Variants in CMIP observed in about 807,000 individuals in gnomAD.
CMIP encodes c-Maf inducing protein.
A neutral mutation model predicts 97.3 loss-of-function variants in CMIP; 13 were observed. The observed-to-expected ratio is 0.13, with a 90% CI of 0.09 to 0.21. The LOEUF (loss-of-function observed/expected upper bound fraction) is 0.21, where lower values mean the gene tolerates loss of function less well. Among genes scored for constraint, CMIP ranks in the 10% least tolerant of loss-of-function variants. The pLI, the probability that CMIP is intolerant of heterozygous loss-of-function variation, is 1.00. For synonymous variants in CMIP, 538 were observed against 436.3 expected, an observed-to-expected ratio of 1.23 and a Z score of -2.91; for missense variants, 847 against 1,024.9, an observed-to-expected ratio of 0.83 and a Z score of 2.37.
chr16:81,654,231 T>TTTATTATTATTATTATTATTATTATTA (rs58919554), intron 4 of CMIP, among the ~76,000 whole-genome samples: 106 of 150,820 alleles, frequency 7.0e-4, no homozygotes, highest in African/African-American at 2.5e-3. Flanking sequence ...CTCCTTGGGC[T>TTTATTATTATTATTATTATTATTATTA]TTATTATTAT....
At chr16:81,658,849 G>A (rs1050486294) in intron 5 of CMIP, among the ~76,000 whole-genome samples, 31 of 152,258 alleles carry the variant, frequency 2.0e-4, no homozygotes, top group African/African-American at 7.2e-4. Context: ...TCAGTCACTA[G>A]GCCCCTCACG....
intron 10 of CMIP, among the ~76,000 whole-genome samples, chr16:81,688,832 C>T (rs748926158): frequency 9.2e-5 from 14 of 152,148 alleles, no homozygotes; most frequent in Admixed American, 2.6e-4. Flanking sequence ...CAACAGGCCC[C>T]GGTGTGTGAT....
At chr16:81,536,995 G>A (rs966852747) in intron 1 of CMIP, among the ~76,000 whole-genome samples, 8 of 152,122 alleles carry the variant, frequency 5.3e-5, no homozygotes, top group African/African-American at 1.9e-4. Flanking sequence ...GGTTTTGCCC[G>A]CTTGTGAACT....
intron 1 of CMIP, among the ~76,000 whole-genome samples, chr16:81,581,984 C>T (rs2091303589): frequency 6.6e-6 from 1 of 152,170 alleles, no homozygotes; most frequent in African/African-American, 2.4e-5. Context: ...GCATCAGCTT[C>T]TGGGGAGGCC....
intron 1 of CMIP, among the ~76,000 whole-genome samples, chr16:81,584,796 T>C (rs2091353508): frequency 6.6e-6 from 1 of 152,150 alleles, no homozygotes; most frequent in East Asian, 1.9e-4. Context: ...TACTTCATTC[T>C]CCCTCTGTCC....
chr16:81,488,215 G>T (rs2089349854), intron 1 of CMIP, among the ~76,000 whole-genome samples: 1 of 152,150 alleles, frequency 6.6e-6, no homozygotes, highest in South Asian at 2.1e-4. Flanking sequence ...CCGAAGCTGA[G>T]AGAGTGCGAC....
In CMIP at chr16:81,445,273, G is replaced by T. The variant is rs951764656; in HGVS notation, c.32G>T (p.Gly11Val). ...GTGACCAGCAGCTCGGGCGGCGGCG[G>T]CGACCCCCGGCAGATCGAGGAGACC... MDVTSSSGGG[G>V]DPRQIEETKP... The change falls in exon 1 of 21, where the codon GGC (glycine) becomes GTC (valine). Residue 11 changes from glycine (G) to valine (V), a missense_variant. Transcript: ENST00000537098. 6.5e-7 allele frequency: 1 copy of T among 1,542,246 alleles called. No homozygotes were observed. The highest frequency in any genetic ancestry group is 2.0e-5 in the Admixed American group (1 of 50,870).
chr16:81,668,552 C>T (rs1008039823), intron 7 of CMIP, among the ~76,000 whole-genome samples: 88 of 152,278 alleles, frequency 5.8e-4, no homozygotes, highest in African/African-American at 2.1e-3. Context: ...TCAGCCGGCA[C>T]AGGCAGTGTC....
chr16:81,624,229 A>C (rs2092029853), intron 3 of CMIP, among the ~76,000 whole-genome samples: 1 of 151,558 alleles, frequency 6.6e-6, no homozygotes, highest in African/African-American at 2.4e-5. Context: ...TTATTATTAT[A>C]CTTTAAGTTT....
At chr16:81,578,513 C>T (rs1364593311) in intron 1 of CMIP, among the ~76,000 whole-genome samples, 1 of 152,176 alleles carries the variant, frequency 6.6e-6, no homozygotes, top group Non-Finnish European at 1.5e-5. Flanking sequence ...TCCCTCTCTC[C>T]TTCCTTCTCC....
At chr16:81,682,511 G>C (rs1904970588) in intron 10 of CMIP, among the ~76,000 whole-genome samples, 1 of 152,058 alleles carries the variant, frequency 6.6e-6, no homozygotes, top group African/African-American at 2.4e-5. Context: ...GTTGCAGTGA[G>C]CTGAGATCAC....
chr16:81,475,989 A>G (rs1302152850), intron 1 of CMIP: 32 of 415,336 alleles, frequency 7.7e-5, no homozygotes, highest in South Asian at 6.9e-4. Flanking sequence ...TCCTTCTCAA[A>G]AAAAAAAAAA....
Position 81,621,129 on chromosome 16 carries a change from C to A in CMIP, c.477+203C>A. 3.6e-6 allele frequency: 2 copies of A among 560,764 alleles called. No individual in the cohort carries two copies. The highest frequency in any genetic ancestry group is 6.4e-6 in the Non-Finnish European group (2 of 313,416). 34.7% of individuals were successfully genotyped at this position (560,764 alleles called of 1,614,324 possible). On this transcript the variant is annotated intron_variant, in intron 3 of 20. Coordinates refer to ENST00000537098, the MANE Select transcript of CMIP (RefSeq NM_198390.3). The surrounding 1 kb of genome is among the most constrained non-coding windows in gnomAD (Gnocchi z 4.1). ...CCTGTCCCCTGCAGTGCTGAAATAGCATTCTCGCCCTGGTGTTCTCAAACC... is the reference window on the plus strand; with the variant it reads ...CCTGTCCCCTGCAGTGCTGAAATAGAATTCTCGCCCTGGTGTTCTCAAACC...
chr16:81,691,110 A>G (rs974550204), intron 10 of CMIP, among the ~76,000 whole-genome samples: 1 of 152,184 alleles, frequency 6.6e-6, no homozygotes, highest in Non-Finnish European at 1.5e-5. Context: ...AGCCCCCTAC[A>G]TTAGTTTGCT....
At chr16:81,610,456 A>G in intron 2 of CMIP, 1 of 986,164 alleles carries the variant, frequency 1.0e-6, no homozygotes, top group Non-Finnish European at 1.2e-6. Flanking sequence ...GGCGGCTTGC[A>G]ACTCCTCAGA....
chr16:81,701,914 C>A (rs1907459383), intron 16 of CMIP, 114 bp downstream of exon 16: 1 of 1,320,458 alleles, frequency 7.6e-7, no homozygotes, highest in Non-Finnish European at 1.1e-6. Flanking sequence ...TCGTTGAATT[C>A]TCCTCCAAAC....
At chr16:81,458,427 C>G (rs989932383) in intron 1 of CMIP, among the ~76,000 whole-genome samples, 2 of 152,182 alleles carry the variant, frequency 1.3e-5, no homozygotes, top group African/African-American at 4.8e-5. Flanking sequence ...GGCACCCTCT[C>G]TGGGCCAGCA....
intron 1 of CMIP, among the ~76,000 whole-genome samples, chr16:81,457,853 C>A (rs766328792): frequency 7.2e-5 from 11 of 152,212 alleles, no homozygotes; most frequent in Non-Finnish European, 1.2e-4. Flanking sequence ...GGGCCAAGAG[C>A]CGGTGGGCCA....
At chr16:81,552,763 C>T (rs2090684410) in intron 1 of CMIP, among the ~76,000 whole-genome samples, 1 of 152,204 alleles carries the variant, frequency 6.6e-6, no homozygotes, top group Non-Finnish European at 1.5e-5. Context: ...TGCTCTTGTG[C>T]CTACCACCAG....
Sources: gnomAD v4.1 joint callset for allele counts (sites outside exome capture counted in the v4.1 genomes callset) on GRCh38, gnomAD v4.1.1 for gene constraint, Gnocchi (gnomAD v3.1) non-coding constraint, MANE v1.5 for transcripts, NCBI Gene and HGNC (gene_info 2026-07-23, HGNC 2026-07-21) for gene names.